FGF14: variants seen among roughly 807,000 people sequenced by gnomAD.
The protein encoded by FGF14 is fibroblast growth factor 14.
In FGF14, 5 loss-of-function variants were observed where a neutral mutation model predicts 25.5. That is an observed-to-expected ratio of 0.20 (90% CI 0.10 to 0.41). The LOEUF is 0.41. Ranked by LOEUF, FGF14 falls within the 10% of genes least tolerant of loss-of-function variation. The probability of loss-of-function intolerance (pLI) is 1.00; values close to 1 mark genes in which losing one functional copy is unlikely to be tolerated. For synonymous variants in FGF14, 138 were observed against 118.3 expected, an observed-to-expected ratio of 1.17 and a Z score of -1.08; for missense variants, 222 against 320.1, an observed-to-expected ratio of 0.69 and a Z score of 2.34.
intron 1 of FGF14, among the ~76,000 whole-genome samples, chr13:102,278,937 G>A (rs1333782112): frequency 2.0e-5 from 3 of 151,966 alleles, no homozygotes; most frequent in Non-Finnish European, 2.9e-5. Context: ...CACATTTTGC[G>A]ACTTATATAT....
chr13:101,720,213 C>T lies in FGF14; in HGVS notation c.*2618G>A, dbSNP rs1186508782. 6.6e-6 allele frequency: 1 copy of T among 152,102 alleles called. No homozygotes were observed. The highest frequency in any genetic ancestry group is 6.6e-5 in the Admixed American group (1 of 15,252). The allele number at this position is 152,102 out of a possible 1,614,324, so 9.4% of individuals were successfully genotyped here. A position where few individuals can be genotyped will look rare whatever the true frequency, so the allele number is the denominator to read the frequency against. ...CAGGTACCTACTACATGCAGCTCATCATTGCTGTCCTCTTCCCATGCTACA... is the reference window on the plus strand; with the variant it reads ...CAGGTACCTACTACATGCAGCTCATTATTGCTGTCCTCTTCCCATGCTACA... On this transcript the variant is annotated 3_prime_UTR_variant, in exon 5 of 5. Coordinates refer to ENST00000376143, the MANE Select transcript of FGF14 (RefSeq NM_004115.4).
At chr13:101,913,877 C>T (rs2033205316) in intron 1 of FGF14, among the ~76,000 whole-genome samples, 1 of 150,666 alleles carries the variant, frequency 6.6e-6, no homozygotes, top group Non-Finnish European at 1.5e-5. Context: ...TTTATTATTT[C>T]TTATTAATTT....
chr13:102,212,237 T>C (rs1166697584), intron 1 of FGF14, among the ~76,000 whole-genome samples: 2 of 152,210 alleles, frequency 1.3e-5, no homozygotes, highest in Non-Finnish European at 2.9e-5. Context: ...GTTGGTTTAA[T>C]ATGACATGTT....
chr13:102,271,432 TC>T (rs2053241215), intron 1 of FGF14, among the ~76,000 whole-genome samples: 1 of 152,134 alleles, frequency 6.6e-6, no homozygotes, highest in African/African-American at 2.4e-5. Flanking sequence ...GCCACGCACC[TC>T]CATTTTCTGT....
intron 3 of FGF14, among the ~76,000 whole-genome samples, chr13:101,822,961 C>T (rs141577146): frequency 1.6e-3 from 238 of 152,278 alleles, no homozygotes; most frequent in Non-Finnish European, 2.9e-3. Flanking sequence ...AGCTCCCACA[C>T]ATGTGTGACA....
intron 1 of FGF14, among the ~76,000 whole-genome samples, chr13:102,003,660 G>A (rs1303513241): frequency 1.4e-5 from 2 of 144,092 alleles, no homozygotes; most frequent in Admixed American, 6.8e-5. Flanking sequence ...ATTGCAAGGG[G>A]TTAGCTTTTT....
At chr13:102,018,139 T>A (rs1178218586) in intron 1 of FGF14, among the ~76,000 whole-genome samples, 3 of 152,166 alleles carry the variant, frequency 2.0e-5, no homozygotes, top group Non-Finnish European at 4.4e-5. Context: ...CAAATTTGTA[T>A]GTGAATGTTT....
chr13:101,846,191 A>G (rs914488321), intron 3 of FGF14, among the ~76,000 whole-genome samples: 14 of 152,034 alleles, frequency 9.2e-5, no homozygotes, highest in African/African-American at 3.4e-4. Context: ...GGAGTTAAAC[A>G]TCTTTTAAAA....
chr13:102,131,465 T>C (rs747825754), intron 1 of FGF14, among the ~76,000 whole-genome samples: 28 of 152,206 alleles, frequency 1.8e-4, no homozygotes, highest in Non-Finnish European at 3.5e-4. Context: ...GCCTCCTCCA[T>C]GATCCTCTCC....
intron 1 of FGF14, among the ~76,000 whole-genome samples, chr13:102,286,069 A>T (rs2054081216): frequency 1.3e-5 from 2 of 152,184 alleles, no homozygotes; most frequent in Non-Finnish European, 2.9e-5. Flanking sequence ...AGAGCAAAAT[A>T]GGTCTCATTG....
intron 1 of FGF14, among the ~76,000 whole-genome samples, chr13:101,912,004 G>GTTT (rs5806256): frequency 1.4e-5 from 2 of 140,290 alleles, no homozygotes; most frequent in African/African-American, 2.6e-5. Context: ...CAAAAACAGT[G>GTTT]TTTTTTTTTT....
intron 3 of FGF14, among the ~76,000 whole-genome samples, chr13:101,786,828 A>G (rs1260002926): frequency 1.3e-5 from 2 of 152,164 alleles, no homozygotes; most frequent in East Asian, 1.9e-4. Context: ...GTTGCTGACA[A>G]TTAAACCACA....
chr13:102,201,692 G>A (rs2049659315), intron 1 of FGF14, among the ~76,000 whole-genome samples: 2 of 152,232 alleles, frequency 1.3e-5, no homozygotes, highest in Admixed American at 6.5e-5. Flanking sequence ...ATAGCAGAGG[G>A]AAATGTTTGG....
chr13:101,979,953 A>G (rs1261205120), intron 1 of FGF14, among the ~76,000 whole-genome samples: 1 of 152,204 alleles, frequency 6.6e-6, no homozygotes, highest in East Asian at 1.9e-4. Context: ...GCCAGTCAAC[A>G]CTAAATCGTT....
intron 1 of FGF14, among the ~76,000 whole-genome samples, chr13:102,147,572 CA>C (rs1367964877): frequency 6.6e-6 from 1 of 152,128 alleles, no homozygotes; most frequent in Non-Finnish European, 1.5e-5. Context: ...ACTAAAAGGA[CA>C]ACTTTTAAAA....
chr13:101,949,373 A>C (rs1478793408), intron 1 of FGF14, among the ~76,000 whole-genome samples: 3 of 152,196 alleles, frequency 2.0e-5, no homozygotes, highest in African/African-American at 7.2e-5. Flanking sequence ...TTCTGTCTAG[A>C]AAGTTGCTTT....
At chr13:102,123,739 G>A (rs556111236) in intron 1 of FGF14, among the ~76,000 whole-genome samples, 23 of 152,088 alleles carry the variant, frequency 1.5e-4, no homozygotes, top group African/African-American at 3.9e-4. Flanking sequence ...ACCCCCATCC[G>A]GATATTAAGT....
In FGF14 at chr13:102,060,108, T is replaced by A. The variant is rs184701564; in HGVS notation, c.209-184812A>T. Reference sequence around the variant, plus strand: ...GATTGGAGCATTTTGAATTTTGGATTTGTGGATCACAGATGCTCAACTGGT... The same window carrying A: ...GATTGGAGCATTTTGAATTTTGGATATGTGGATCACAGATGCTCAACTGGT... On this transcript the variant is annotated intron_variant, in intron 1 of 4. Transcript: ENST00000376131. Among the ~76,000 whole-genome samples the A allele has an allele frequency of 2.1e-4, 32 of 152,200 alleles. No individual in the cohort carries two copies. The East Asian group carries it at 4.3e-3, about 20-fold the overall frequency.
chr13:102,036,750 C>T (rs2041497157), intron 1 of FGF14, among the ~76,000 whole-genome samples: 1 of 151,982 alleles, frequency 6.6e-6, no homozygotes, highest in Non-Finnish European at 1.5e-5. Flanking sequence ...CACATCACAC[C>T]TTGGGTCAAA....
Sources: allele counts gnomAD v4.1 joint callset (sites outside exome capture counted in the v4.1 genomes callset), GRCh38; gene constraint gnomAD v4.1.1; transcripts MANE v1.5; gene names NCBI Gene and HGNC (gene_info 2026-07-23, HGNC 2026-07-21).